The following TBL1Y variants were observed in gnomAD, a reference collection of about 807,000 sequenced individuals.
TBL1Y encodes F-box-like/WD repeat-containing protein TBL1Y.
A neutral mutation model predicts 12.0 loss-of-function variants in TBL1Y; 15 were observed. That is an observed-to-expected ratio of 1.25 (90% CI 0.83 to 1.92). The LOEUF is 1.92. Among genes scored for constraint, TBL1Y ranks in the 40% most tolerant of loss-of-function variants. The pLI is 0.00. For synonymous variants in TBL1Y, 53 were observed against 42.6 expected, an observed-to-expected ratio of 1.24 and a Z score of -0.95; for missense variants, 148 against 116.7, an observed-to-expected ratio of 1.27 and a Z score of -1.24.
chrY:6,949,034 C>A (rs2012007250), intron 2 of TBL1Y, among the ~76,000 whole-genome samples: 1 of 32,995 alleles, frequency 3.0e-5, no homozygotes, highest in Non-Finnish European at 7.4e-5. Context: ...GAAGATTCTG[C>A]AAACCATCCA....
intron 6 of TBL1Y, among the ~76,000 whole-genome samples, chrY:7,039,797 G>A (rs183249103): frequency 3.0e-4 from 10 of 32,861 alleles, no homozygotes; most frequent in African/African-American, 8.3e-4. Flanking sequence ...TCAGCACCTC[G>A]AGGTACTTTT....
At chrY:7,078,382 G>A in intron 13 of TBL1Y, among the ~76,000 whole-genome samples, 3 of 33,880 alleles carry the variant, frequency 8.9e-5, no homozygotes, top group African/African-American at 3.5e-4. Context: ...ACCAATGAGA[G>A]TTCTTGGTTG....
intron 2 of TBL1Y, among the ~76,000 whole-genome samples, chrY:6,964,893 TTATCAATGATTTCATGGAGTGCAC>T (rs2012158290): frequency 3.1e-5 from 1 of 31,981 alleles, no homozygotes; most frequent in African/African-American, 1.2e-4. Context: ...TTTTCTGGCT[TTATCAATGATTTCATGGAGTGCAC>T]TATCTTGTCC....
intron 2 of TBL1Y, among the ~76,000 whole-genome samples, chrY:6,936,696 CTTCCACTT>C (rs2011906667): frequency 3.0e-5 from 1 of 33,507 alleles, no homozygotes. Context: ...AAGCCCTGCT[CTTCCACTT>C]TGCCTTTGAG....
At chrY:6,987,494 T>A in intron 3 of TBL1Y, among the ~76,000 whole-genome samples, 3 of 32,184 alleles carry the variant, frequency 9.3e-5, no homozygotes, top group Admixed American at 2.9e-4. Context: ...ACAAACAGGG[T>A]CTTGCCATGT....
chrY:7,000,004 C>T (rs2012439198), intron 4 of TBL1Y, among the ~76,000 whole-genome samples: 1 of 31,749 alleles, frequency 3.1e-5, no homozygotes, highest in African/African-American at 1.2e-4. Context: ...TCAGTATTTT[C>T]TCCTACAGAA....
At chrY:6,974,612 T>C (rs113254196) in intron 2 of TBL1Y, among the ~76,000 whole-genome samples, 4 of 34,318 alleles carry the variant, frequency 1.2e-4, no homozygotes, top group African/African-American at 4.5e-4. Flanking sequence ...AGTCATTCTG[T>C]ATTTTTGTCA....
At chrY:7,064,904 G>C (rs2012965937) in intron 8 of TBL1Y, among the ~76,000 whole-genome samples, 2 of 33,423 alleles carry the variant, frequency 6.0e-5, no homozygotes, top group Non-Finnish European at 1.5e-4. Flanking sequence ...TATTAAAATA[G>C]TGTGACATAA....
intron 2 of TBL1Y, among the ~76,000 whole-genome samples, chrY:6,918,493 C>T: frequency 3.0e-5 from 1 of 33,456 alleles, no homozygotes; most frequent in African/African-American, 1.2e-4. Context: ...CAGCCTTCAC[C>T]TCCTGGGCTT....
In TBL1Y at chrY:7,091,575, C is replaced by A; in HGVS notation, c.*83C>A. On this transcript the variant is annotated 3_prime_UTR_variant, in exon 19 of 19. Transcript: ENST00000383032. Reference sequence around the variant, plus strand: ...ATGGGGTTGCAGCTCTGTTCAAACACAATTCTATCAGCTCCAAAATGTGTG... The same window carrying A: ...ATGGGGTTGCAGCTCTGTTCAAACAAAATTCTATCAGCTCCAAAATGTGTG... 3 of 188,325 alleles carry A rather than the reference C, an allele frequency of 1.6e-5. No homozygotes were observed. Among genetic ancestry groups the A allele is most frequent in the Non-Finnish European group, 2.5e-5 (3 of 121,659 alleles). The allele number at this position is 188,325 out of a possible 400,897, so 47.0% of individuals were successfully genotyped here. A position where few individuals can be genotyped will look rare whatever the true frequency, so the allele number is the denominator to read the frequency against.
chrY:7,014,267 T>C, intron 4 of TBL1Y, among the ~76,000 whole-genome samples: 1 of 32,037 alleles, frequency 3.1e-5, no homozygotes, highest in Non-Finnish European at 7.5e-5. Flanking sequence ...CGTTTAAAAG[T>C]GTGTAGCACT....
At chrY:6,928,677 G>T in intron 2 of TBL1Y, among the ~76,000 whole-genome samples, 1 of 33,942 alleles carries the variant, frequency 2.9e-5, no homozygotes, top group Non-Finnish European at 7.3e-5. Flanking sequence ...ATGAGGAACT[G>T]CAGAAAGCCA....
intron 6 of TBL1Y, among the ~76,000 whole-genome samples, chrY:7,027,585 G>A: frequency 3.1e-5 from 1 of 31,847 alleles, no homozygotes; most frequent in Non-Finnish European, 7.6e-5. Flanking sequence ...GAGAGGCTGA[G>A]GCAGGAGAAT....
At chrY:6,978,922 T>C (rs2124126801) in intron 3 of TBL1Y, among the ~76,000 whole-genome samples, 1 of 32,000 alleles carries the variant, frequency 3.1e-5, no homozygotes, top group Non-Finnish European at 7.6e-5. Flanking sequence ...AGTGCACTAT[T>C]ATTATTATTA....
chrY:7,030,236 A>G (rs2012646777), intron 6 of TBL1Y, among the ~76,000 whole-genome samples: 1 of 34,023 alleles, frequency 2.9e-5, no homozygotes, highest in Non-Finnish European at 7.3e-5. Context: ...GGCGTATTGG[A>G]AAGTATGTAA....
At chrY:6,917,847 A>C in intron 2 of TBL1Y, among the ~76,000 whole-genome samples, 1 of 32,759 alleles carries the variant, frequency 3.1e-5, no homozygotes, top group Non-Finnish European at 7.4e-5. Flanking sequence ...CAGCTCCTTG[A>C]TACTTTGGAG....
chrY:6,935,367 A>G (rs2011896895), intron 2 of TBL1Y, among the ~76,000 whole-genome samples: 1 of 31,605 alleles, frequency 3.2e-5, no homozygotes, highest in South Asian at 7.0e-4. Context: ...AATTGTACTC[A>G]TTATTTTGCC....
chrY:7,084,371 C>T, intron 14 of TBL1Y, among the ~76,000 whole-genome samples: 1 of 33,843 alleles, frequency 3.0e-5, no homozygotes, highest in Non-Finnish European at 7.3e-5. Flanking sequence ...CTCACAGCAA[C>T]CTCCCCATCC....
At chrY:7,002,969 TA>T (rs780439599) in intron 4 of TBL1Y, among the ~76,000 whole-genome samples, 35 of 34,173 alleles carry the variant, frequency 1.0e-3, no homozygotes, top group African/African-American at 3.7e-3. Context: ...GGGAGCTACT[TA>T]AATTCTTTTT....
Sources: gnomAD v4.1 joint callset for allele counts (sites outside exome capture counted in the v4.1 genomes callset) on GRCh38, gnomAD v4.1.1 for gene constraint, MANE v1.5 for transcripts, NCBI Gene and HGNC (gene_info 2026-07-23, HGNC 2026-07-21) for gene names.